The following ADGRB3 variants were observed in gnomAD, a reference collection of about 807,000 sequenced individuals.
The protein encoded by ADGRB3 is brain-specific angiogenesis inhibitor 3.
ADGRB3 carries 37 observed loss-of-function variants against 193.4 expected under a neutral mutation model. The observed-to-expected ratio is 0.19, with a 90% confidence interval of 0.15 to 0.25. The LOEUF (loss-of-function observed/expected upper bound fraction) is 0.25. Among genes scored for constraint, ADGRB3 ranks in the 10% least tolerant of loss-of-function variants. ADGRB3 has a pLI of 1.00. For missense variants in ADGRB3, 1,637 were observed against 1,852.9 expected (o/e 0.88, Z 2.14); for synonymous variants, 690 against 644.2 (o/e 1.07, Z -1.08).
At chr6:68,973,606 CTTAT>C (rs1310067656) in intron 8 of ADGRB3, among the ~76,000 whole-genome samples, 1 of 152,188 alleles carries the variant, frequency 6.6e-6, no homozygotes, top group Non-Finnish European at 1.5e-5. Context: ...AAGATCCTCA[CTTAT>C]TTATCAAGGT....
At chr6:68,691,470 A>C (rs1408570856) in intron 3 of ADGRB3, among the ~76,000 whole-genome samples, 1 of 151,996 alleles carries the variant, frequency 6.6e-6, no homozygotes, top group African/African-American at 2.4e-5. Flanking sequence ...TATATGCACT[A>C]TTTGAAGCTC....
intron 3 of ADGRB3, among the ~76,000 whole-genome samples, chr6:68,704,708 G>T (rs1401216624): frequency 6.6e-6 from 1 of 152,192 alleles, no homozygotes; most frequent in Non-Finnish European, 1.5e-5. Flanking sequence ...TGATAAATCA[G>T]TGCTAAATAA....
intron 17 of ADGRB3, among the ~76,000 whole-genome samples, chr6:69,144,024 C>T (rs1049597242): frequency 6.6e-6 from 1 of 152,020 alleles, no homozygotes; most frequent in Non-Finnish European, 1.5e-5. Context: ...CACAGAATAC[C>T]TTTCCTTTTT....
At chr6:68,922,121 A>G (rs180767920) in intron 3 of ADGRB3, among the ~76,000 whole-genome samples, 2 of 152,336 alleles carry the variant, frequency 1.3e-5, no homozygotes, top group Non-Finnish European at 2.9e-5. Context: ...TAAGCCTTTT[A>G]TATCAGACTA....
intron 29 of ADGRB3, among the ~76,000 whole-genome samples, chr6:69,371,735 A>T (rs1769712029): frequency 6.6e-6 from 1 of 152,118 alleles, no homozygotes; most frequent in Non-Finnish European, 1.5e-5. Flanking sequence ...AAACTGTTTA[A>T]CAAAGGTGGA....
chr6:68,652,939 T>C (rs567791662), intron 3 of ADGRB3, among the ~76,000 whole-genome samples: 1 of 152,122 alleles, frequency 6.6e-6, no homozygotes, highest in Non-Finnish European at 1.5e-5. Context: ...GTCATGAATG[T>C]TTTTCACCAA....
At chr6:69,203,681 C>T (rs1765480914) in intron 17 of ADGRB3, among the ~76,000 whole-genome samples, 1 of 152,156 alleles carries the variant, frequency 6.6e-6, no homozygotes, top group Non-Finnish European at 1.5e-5. Context: ...ACATTATTCT[C>T]TGTAACATCT....
chr6:68,812,708 G>C (rs1767536349), intron 3 of ADGRB3, among the ~76,000 whole-genome samples: 1 of 151,760 alleles, frequency 6.6e-6, no homozygotes, highest in Non-Finnish European at 1.5e-5. Context: ...AAATTCTGGG[G>C]TACATGTGCA....
intron 17 of ADGRB3, among the ~76,000 whole-genome samples, chr6:69,134,259 T>G (rs1032031881): frequency 1.3e-4 from 20 of 152,206 alleles, no homozygotes; most frequent in African/African-American, 4.3e-4. Flanking sequence ...CCCTCTACCC[T>G]CGTCCACCAA....
At chr6:69,202,585 A>C (rs914235522) in intron 17 of ADGRB3, among the ~76,000 whole-genome samples, 6 of 152,146 alleles carry the variant, frequency 3.9e-5, no homozygotes, top group Non-Finnish European at 8.8e-5. Context: ...GTATTCTTCC[A>C]TATACCTAAA....
At chr6:68,751,164 A>G (rs1311654190) in intron 3 of ADGRB3, among the ~76,000 whole-genome samples, 1 of 152,220 alleles carries the variant, frequency 6.6e-6, no homozygotes, top group East Asian at 1.9e-4. Flanking sequence ...TCAGGCACAG[A>G]CAAGAATGAT....
At chr6:68,995,679 C>T (rs17478347) in intron 11 of ADGRB3, among the ~76,000 whole-genome samples, 2,987 of 152,248 alleles carry the variant, frequency 0.02, 29 homozygotes, top group Non-Finnish European at 0.029. Context: ...TTGGTGTCCT[C>T]GTCATTGCCT....
chr6:68,717,044 A>T (rs1355956726), intron 3 of ADGRB3, among the ~76,000 whole-genome samples: 2 of 151,662 alleles, frequency 1.3e-5, no homozygotes, highest in African/African-American at 4.8e-5. Flanking sequence ...GATATTCGGC[A>T]GTTTTCAAGT....
chr6:69,366,698 G>C (rs982789792), intron 29 of ADGRB3, among the ~76,000 whole-genome samples: 1 of 152,018 alleles, frequency 6.6e-6, no homozygotes, highest in African/African-American at 2.4e-5. Flanking sequence ...GTTCATAATG[G>C]TTTTCGTTGT....
intron 20 of ADGRB3, among the ~76,000 whole-genome samples, chr6:69,279,900 G>C (rs891102909): frequency 6.6e-6 from 1 of 151,948 alleles, no homozygotes; most frequent in African/African-American, 2.4e-5. Flanking sequence ...TATCTTGTCT[G>C]TCTAACAAAA....
chr6:68,820,469 A>G (rs1767728689), intron 3 of ADGRB3, among the ~76,000 whole-genome samples: 1 of 152,006 alleles, frequency 6.6e-6, no homozygotes, highest in Non-Finnish European at 1.5e-5. Context: ...CATCACCTCA[A>G]GCATTTACCA....
At chr6:69,195,992 T>C (rs1382489176) in intron 17 of ADGRB3, among the ~76,000 whole-genome samples, 1 of 152,134 alleles carries the variant, frequency 6.6e-6, no homozygotes, top group Non-Finnish European at 1.5e-5. Context: ...GACATAAATA[T>C]CATATCTTAG....
chr6:69,288,163 C>T (rs1218495645), intron 20 of ADGRB3, among the ~76,000 whole-genome samples: 1 of 152,114 alleles, frequency 6.6e-6, no homozygotes, highest in East Asian at 1.9e-4. Flanking sequence ...CTGTCATCTA[C>T]ATTAAGTATT....
chr6:68,683,962 C>A lies in ADGRB3; in HGVS notation c.757+44530C>A, dbSNP rs548956146. 7.4e-4 allele frequency among the ~76,000 whole-genome samples: 112 copies of A among 152,090 alleles called. 1 individual carries two copies. The highest frequency in any genetic ancestry group is 2.6e-3 in the African/African-American group (107 of 41,388). On this transcript the variant is annotated intron_variant, in intron 3 of 31. Transcript: ENST00000370598. ...ACACTAATAAACTATCTGAAGAGGACATCTGCTTCTCAGCTCCTCATGACT... is the reference window on the plus strand; with the variant it reads ...ACACTAATAAACTATCTGAAGAGGAAATCTGCTTCTCAGCTCCTCATGACT...
Sources: gnomAD v4.1 joint callset for allele counts (sites outside exome capture counted in the v4.1 genomes callset) on GRCh38, gnomAD v4.1.1 for gene constraint, MANE v1.5 for transcripts, NCBI Gene and HGNC (gene_info 2026-07-23, HGNC 2026-07-21) for gene names.